METTL15: variants seen among roughly 807,000 people sequenced by gnomAD.
METTL15 encodes 12S rRNA N(4)-cytidine methyltransferase METTL15.
METTL15 carries 34 observed loss-of-function variants against 38.3 expected under a neutral mutation model. That is an observed-to-expected ratio of 0.89 (90% confidence interval 0.68 to 1.18). METTL15 has a LOEUF of 1.18. Ranked by LOEUF, METTL15 falls within the 50% of genes most tolerant of loss-of-function variation. The probability of loss-of-function intolerance (pLI) is 0.00; values close to 1 mark genes in which losing one functional copy is unlikely to be tolerated. For synonymous variants in METTL15, 162 were observed against 170.9 expected (o/e 0.95, Z 0.41); for missense variants, 438 against 498.4 (o/e 0.88, Z 1.15).
chr11:28,470,201 A>T (rs1851291288), intron 6 of METTL15, among the ~76,000 whole-genome samples: 1 of 152,160 alleles, frequency 6.6e-6, no homozygotes, highest in African/African-American at 2.4e-5. Flanking sequence ...TTTGCAGTGA[A>T]TGCTTTTTCC....
At chr11:28,498,969 T>G (rs1364480676) in intron 6 of METTL15, among the ~76,000 whole-genome samples, 1 of 152,254 alleles carries the variant, frequency 6.6e-6, no homozygotes, top group African/African-American at 2.4e-5. Context: ...GGTCTAGAGC[T>G]TGACTGCTTG....
At chr11:28,513,512 G>A (rs1851693599) in intron 6 of METTL15, among the ~76,000 whole-genome samples, 1 of 152,198 alleles carries the variant, frequency 6.6e-6, no homozygotes, top group African/African-American at 2.4e-5. Flanking sequence ...GACCAGCTCG[G>A]TTGGGGAGAC....
At chr11:28,275,642 C>CA (rs34145059) in intron 4 of METTL15, among the ~76,000 whole-genome samples, 54,230 of 138,746 alleles carry the variant, frequency 0.39, 11,757 homozygotes, top group African/African-American at 0.6. Context: ...ACAAAGATAC[C>CA]AAAAAAAAAA....
chr11:28,338,679 A>C (rs1849923027), intron 3 of METTL15, among the ~76,000 whole-genome samples: 1 of 152,160 alleles, frequency 6.6e-6, no homozygotes, highest in East Asian at 1.9e-4. Flanking sequence ...TGAAAGAAAC[A>C]GAGTTTGGAG....
chr11:28,525,256 T>A (rs912567354), intron 6 of METTL15, among the ~76,000 whole-genome samples: 1 of 152,190 alleles, frequency 6.6e-6, no homozygotes. Flanking sequence ...TTATTCTCTT[T>A]TCTGGCCCCA....
At chr11:28,366,620 T>G (rs1385599301) in intron 5 of METTL15, among the ~76,000 whole-genome samples, 1 of 152,194 alleles carries the variant, frequency 6.6e-6, no homozygotes, top group Admixed American at 6.5e-5. Context: ...TATTTAATAC[T>G]GCATTTTCAA....
At chr11:28,336,784 CTA>C (rs1488660381), downstream of METTL15, among the ~76,000 whole-genome samples, 5 of 152,270 alleles carry the variant, frequency 3.3e-5, no homozygotes, top group African/African-American at 9.6e-5. Flanking sequence ...TGATAAATGG[CTA>C]TGTTTCTTTT....
At chr11:28,179,316 T>TTA (rs769609877) in intron 3 of METTL15, among the ~76,000 whole-genome samples, 18 of 151,822 alleles carry the variant, frequency 1.2e-4, no homozygotes, top group Non-Finnish European at 2.1e-4. Context: ...TAACAGTTTT[T>TTA]TATTAAGTGA....
At chr11:28,155,208 T>TA (rs1257977283) in intron 3 of METTL15, among the ~76,000 whole-genome samples, 1 of 152,188 alleles carries the variant, frequency 6.6e-6, no homozygotes, top group Non-Finnish European at 1.5e-5. Context: ...TTAGATCCAA[T>TA]ACATCCCCAT....
chr11:28,418,244 T>G (rs578007590), intron 5 of METTL15, among the ~76,000 whole-genome samples: 1 of 152,258 alleles, frequency 6.6e-6, no homozygotes, highest in Non-Finnish European at 1.5e-5. Context: ...AACTTGTGCC[T>G]AAAATACAAG....
intron 3 of METTL15, among the ~76,000 whole-genome samples, chr11:28,349,849 AAAG>A (rs1243624623): frequency 2.6e-5 from 4 of 152,224 alleles, no homozygotes; most frequent in Non-Finnish European, 4.4e-5. Flanking sequence ...TTTTTAGAGA[AAAG>A]AAGTTAATAA....
intron 4 of METTL15, among the ~76,000 whole-genome samples, chr11:28,259,926 A>G (rs181948673): frequency 1.3e-5 from 2 of 152,110 alleles, no homozygotes; most frequent in Admixed American, 6.6e-5. Context: ...CACTTCCCCA[A>G]CAAGTCCTTC....
At chr11:28,208,177 T>C (rs1340633691) in intron 3 of METTL15, among the ~76,000 whole-genome samples, 5 of 152,064 alleles carry the variant, frequency 3.3e-5, no homozygotes, top group African/African-American at 1.2e-4. Flanking sequence ...GCTCTTGCTT[T>C]TCTAGTTCTT....
intron 4 of METTL15, among the ~76,000 whole-genome samples, chr11:28,352,818 C>A (rs1850053842): frequency 6.6e-6 from 1 of 152,172 alleles, no homozygotes. Flanking sequence ...AAACTGACAG[C>A]TCAATGGTTC....
intron 6 of METTL15, among the ~76,000 whole-genome samples, chr11:28,430,886 C>T (rs1480636105): frequency 3.6e-4 from 24 of 67,434 alleles, no homozygotes; most frequent in African/African-American, 8.4e-4. Flanking sequence ...CCAGCCGCCC[C>T]GTCCGGGAGG....
chr11:28,244,432 C>T (rs189172408), intron 4 of METTL15, among the ~76,000 whole-genome samples: 6 of 151,808 alleles, frequency 4.0e-5, no homozygotes, highest in African/African-American at 1.2e-4. Context: ...ATTTCAGCTA[C>T]ATAAGATTGG....
intron 5 of METTL15, among the ~76,000 whole-genome samples, chr11:28,378,010 C>A (rs927082649): frequency 6.6e-6 from 1 of 152,122 alleles, no homozygotes; most frequent in African/African-American, 2.4e-5. Flanking sequence ...GCAGTCTGCC[C>A]GTTCTCAGAT....
rs141506216 is a variant in METTL15, at chr11:28,481,352, C to T, written c.*425-45126C>T. On this transcript the variant is annotated intron_variant and NMD_transcript_variant, in intron 6 of 7. Transcript: ENST00000532947. The stretch of plus-strand genomic sequence containing the variant: ...TAAAAGTGTTTTAAGCCGCTGAATA[C>T]AGCCCATAGGAAACAAATACACCTT... Among the ~76,000 whole-genome samples, 155 of 152,304 alleles carry T rather than the reference C, an allele frequency of 1.0e-3. 1 individual carries two copies. Among genetic ancestry groups the T allele is most frequent in the Non-Finnish European group, 1.5e-3 (104 of 68,030 alleles).
At chr11:28,422,909 A>T (rs1404757201) in intron 5 of METTL15, among the ~76,000 whole-genome samples, 1 of 152,016 alleles carries the variant, frequency 6.6e-6, no homozygotes, top group African/African-American at 2.4e-5. Flanking sequence ...TAAAGAAAAC[A>T]GCCCATAGAA....
Sources: gnomAD v4.1 joint callset for allele counts (sites outside exome capture counted in the v4.1 genomes callset) on GRCh38, gnomAD v4.1.1 for gene constraint, MANE v1.5 for transcripts, NCBI Gene and HGNC (gene_info 2026-07-23, HGNC 2026-07-21) for gene names.